The following FAM171B variants were observed in gnomAD, a reference collection of about 807,000 sequenced individuals.
FAM171B encodes protein FAM171B.
FAM171B carries 19 observed loss-of-function variants against 75.6 expected under a neutral mutation model. That is an observed-to-expected ratio of 0.25 (90% CI 0.18 to 0.37). FAM171B has a LOEUF of 0.37. FAM171B is among the 10% of genes least tolerant of loss of function. The pLI is 1.00. For missense variants in FAM171B, 848 were observed against 982.4 expected (o/e 0.86, Z 1.83); for synonymous variants, 367 against 361.7 (o/e 1.01, Z -0.17).
At chr2:186,711,610 T>G (rs1311287459) in intron 1 of FAM171B, among the ~76,000 whole-genome samples, 3 of 152,294 alleles carry the variant, frequency 2.0e-5, no homozygotes, top group African/African-American at 7.2e-5. Flanking sequence ...CTGGCCTGCT[T>G]ATATAACCCT....
intron 1 of FAM171B, among the ~76,000 whole-genome samples, chr2:186,736,538 C>CTGTG (rs10660120): frequency 0.034 from 4,123 of 122,904 alleles, 79 homozygotes; most frequent in African/African-American, 0.053. Context: ...ATGTTTGTGG[C>CTGTG]TGTGTGTGTG....
intron 6 of FAM171B, 48 bp downstream of exon 6, chr2:186,754,097 T>C (rs766941224): frequency 7.2e-7 from 1 of 1,398,298 alleles, no homozygotes; most frequent in Non-Finnish European, 9.9e-7. Context: ...CAAATAGTCT[T>C]GCTGGAACGG....
intron 6 of FAM171B, among the ~76,000 whole-genome samples, chr2:186,760,413 A>G (rs1319453736): frequency 6.6e-6 from 1 of 152,176 alleles, no homozygotes; most frequent in Non-Finnish European, 1.5e-5. Flanking sequence ...TAAAATATTT[A>G]AAGATTAAAT....
chr2:186,731,190 C>T (rs1454800472), intron 1 of FAM171B, among the ~76,000 whole-genome samples: 1 of 152,144 alleles, frequency 6.6e-6, no homozygotes, highest in African/African-American at 2.4e-5. Flanking sequence ...CCTTTATTTA[C>T]AGTTGTACAT....
At chr2:186,710,923 A>T (rs1689802216) in intron 1 of FAM171B, among the ~76,000 whole-genome samples, 2 of 152,000 alleles carry the variant, frequency 1.3e-5, no homozygotes, top group South Asian at 4.2e-4. Flanking sequence ...TGCAGAACCA[A>T]CTGAAGCTTA....
chr2:186,709,038 A>G (rs1306998594), intron 1 of FAM171B, among the ~76,000 whole-genome samples: 2 of 152,294 alleles, frequency 1.3e-5, no homozygotes, highest in Admixed American at 6.5e-5. Context: ...GGGAGCTTCC[A>G]GTCATAGTAG....
intron 1 of FAM171B, among the ~76,000 whole-genome samples, chr2:186,737,355 TTTTC>T (rs1192200654): frequency 6.6e-6 from 1 of 152,198 alleles, no homozygotes; most frequent in Non-Finnish European, 1.5e-5. Flanking sequence ...TGTTAGTTTC[TTTTC>T]TTTCTCTTTT....
intron 1 of FAM171B, among the ~76,000 whole-genome samples, chr2:186,708,258 G>T: frequency 6.6e-6 from 1 of 152,074 alleles, no homozygotes; most frequent in East Asian, 1.9e-4. Flanking sequence ...GCTTCGAAAA[G>T]CAAAATTTGG....
chr2:186,711,651 A>ATT (rs34122042), intron 1 of FAM171B, among the ~76,000 whole-genome samples: 2 of 150,862 alleles, frequency 1.3e-5, no homozygotes, highest in South Asian at 2.1e-4. Flanking sequence ...ATAAATTATT[A>ATT]TTTTTTTTTG....
chr2:186,721,407 T>A (rs960817812), intron 1 of FAM171B, among the ~76,000 whole-genome samples: 10 of 152,182 alleles, frequency 6.6e-5, no homozygotes, highest in African/African-American at 2.4e-4. Context: ...TATATAAGAT[T>A]CTCATTCAAC....
intron 2 of FAM171B, among the ~76,000 whole-genome samples, chr2:186,742,068 A>T (rs1294824571): frequency 1.3e-5 from 2 of 152,150 alleles, no homozygotes; most frequent in Non-Finnish European, 1.5e-5. Flanking sequence ...TTCTGTAACA[A>T]TATCATAATT....
At position 186,762,807 on chromosome 2, in the gene FAM171B, T is replaced by C. The variant is rs1690640314; in HGVS notation, c.2465T>C (p.Leu822Pro). 6.2e-7 allele frequency: 1 copy of C among 1,611,124 alleles called. No individual in the cohort carries two copies. The highest frequency in any genetic ancestry group is 8.5e-7 in the Non-Finnish European group (1 of 1,178,502). The part of the protein sequence containing the change: ...NIWKKREERP[L>P]IPIN ...TGGAAGAAGCGAGAGGAACGCCCAC[T>C]GATTCCCATAAATTAACTCCAATGG... is the stretch of plus-strand genomic sequence containing the variant. The change falls in exon 8 of 8, where the codon CTG becomes CCG. Residue 822 changes from leucine (L) to proline (P), a missense_variant. Leu to Pro is a moderately conservative substitution (Grantham distance 98). This residue lies in a region of FAM171B where 136 missense variants were observed against 159.3 expected (regional missense o/e 0.85). Transcript: ENST00000304698. This position sits in a 1 kb window ranked among gnomAD's most constrained non-coding sequence, Gnocchi z 4.0.
intron 1 of FAM171B, among the ~76,000 whole-genome samples, chr2:186,721,885 C>T (rs769571114): frequency 4.4e-4 from 64 of 146,588 alleles, no homozygotes; most frequent in Non-Finnish European, 8.4e-4. Context: ...ACTTAGTAGT[C>T]ATTTGAAAAA....
At chr2:186,750,992 T>C (rs1009982610) in intron 4 of FAM171B, 142 bp from the exon 5 acceptor site, 5 of 539,080 alleles carry the variant, frequency 9.3e-6, no homozygotes, top group Admixed American at 3.2e-5. Context: ...TAAAAAATCC[T>C]TAATGTGTAT....
At chr2:186,718,363 A>G (rs543406733) in intron 1 of FAM171B, among the ~76,000 whole-genome samples, 1 of 152,180 alleles carries the variant, frequency 6.6e-6, no homozygotes, top group African/African-American at 2.4e-5. Flanking sequence ...TTCCCTTAAC[A>G]TGGCATTTAT....
At chr2:186,747,753 T>C (rs772664834) in intron 4 of FAM171B, among the ~76,000 whole-genome samples, 2 of 152,144 alleles carry the variant, frequency 1.3e-5, no homozygotes, top group Non-Finnish European at 2.9e-5. Context: ...ATATATGTAT[T>C]CTAGAGTCAA....
rs1690645497 is a variant in FAM171B, at chr2:186,762,979, A to C, written c.*156A>C. ...ATGGTAATTCAGTAATCAGAGAGAA[A>C]GATACCAAGGAATGCTTTTTCTGGC... On this transcript the variant is annotated 3_prime_UTR_variant, in exon 8 of 8. Transcript: ENST00000304698. This position sits in a 1 kb window ranked among gnomAD's most constrained non-coding sequence, Gnocchi z 4.0. 2 of 875,390 alleles carry C rather than the reference A, an allele frequency of 2.3e-6. No homozygotes were observed. Among genetic ancestry groups the C allele is most frequent in the South Asian group, 4.3e-5 (2 of 46,428 alleles). The allele number at this position is 875,390 out of a possible 1,614,324, so 54.2% of individuals were successfully genotyped here.
intron 4 of FAM171B, among the ~76,000 whole-genome samples, chr2:186,750,142 A>G (rs1033639131): frequency 1.3e-5 from 2 of 152,214 alleles, no homozygotes; most frequent in African/African-American, 2.4e-5. Flanking sequence ...AAAAGCAAAT[A>G]GATAAAAAGT....
intron 1 of FAM171B, among the ~76,000 whole-genome samples, chr2:186,727,957 A>G (rs1469789481): frequency 6.6e-6 from 1 of 152,122 alleles, no homozygotes; most frequent in Non-Finnish European, 1.5e-5. Flanking sequence ...TTGTGTGAAA[A>G]TGGTGGGTAG....
Sources: allele counts gnomAD v4.1 joint callset (sites outside exome capture counted in the v4.1 genomes callset), GRCh38; gene constraint gnomAD v4.1.1; regional missense constraint gnomAD v4.1.1; non-coding constraint Gnocchi (gnomAD v3.1); transcripts MANE v1.5; gene names NCBI Gene and HGNC (gene_info 2026-07-23, HGNC 2026-07-21).